PDCD4: variants seen among roughly 807,000 people sequenced by gnomAD.
PDCD4 encodes programmed cell death 4, also known as programmed cell death protein 4.
A neutral mutation model predicts 54.0 loss-of-function variants in PDCD4; 56 were observed. The observed-to-expected ratio is 1.04, with a 90% confidence interval of 0.84 to 1.30. The LOEUF (loss-of-function observed/expected upper bound fraction) is 1.30. PDCD4 is among the 50% of genes most tolerant of loss of function. PDCD4 has a pLI of 0.00. For synonymous variants in PDCD4, 186 were observed against 194.8 expected (o/e 0.95, Z 0.37); for missense variants, 584 against 559.8 (o/e 1.04, Z -0.44).
intron 2 of PDCD4, among the ~76,000 whole-genome samples, chr10:110,877,961 T>C (rs917708773): frequency 6.6e-6 from 1 of 152,216 alleles, no homozygotes; most frequent in Non-Finnish European, 1.5e-5. Context: ...GGTAATGTTA[T>C]TCTAATTATG....
chr10:110,872,103 A>AG (rs1400453281), intron 1 of PDCD4, 85 bp downstream of exon 1: 1 of 152,112 alleles, frequency 6.6e-6, no homozygotes, highest in Non-Finnish European at 1.5e-5. Context: ...GCAAGATGGG[A>AG]GGGGGCGGGG....
chr10:110,893,109 C>T (rs932675995), intron 8 of PDCD4, among the ~76,000 whole-genome samples: 1 of 151,794 alleles, frequency 6.6e-6, no homozygotes, highest in Non-Finnish European at 1.5e-5. Context: ...ATGTTTGCAC[C>T]ATGACAGAGT....
chr10:110,895,044 T>C (rs553071087), intron 10 of PDCD4, among the ~76,000 whole-genome samples: 9 of 152,184 alleles, frequency 5.9e-5, no homozygotes, highest in Non-Finnish European at 1.2e-4. Context: ...ATTTTTTAGC[T>C]ATGTAACCAG....
rs746143494 is a variant in PDCD4, at chr10:110,898,451, A to G, written c.*363A>G. ...TTTTGTAGTAAAATCACTGGTTTAT[A>G]CAAAGCTTTATTTAGGGGGTAAAGT... On this transcript the variant is annotated 3_prime_UTR_variant, in exon 12 of 12. Transcript: ENST00000280154. 27 of 164,486 alleles carry G rather than the reference A, an allele frequency of 1.6e-4. No homozygotes were observed. The highest frequency in any genetic ancestry group is 3.4e-4 in the Non-Finnish European group (26 of 76,050). 10.2% of individuals were successfully genotyped at this position (164,486 alleles called of 1,614,324 possible).
chr10:110,896,343 GA>G (rs1299221256), intron 11 of PDCD4, among the ~76,000 whole-genome samples: 18 of 152,154 alleles, frequency 1.2e-4, no homozygotes, highest in Admixed American at 1.2e-3. Flanking sequence ...TCAGTGTTTA[GA>G]GTAGGTATTA....
intron 2 of PDCD4, among the ~76,000 whole-genome samples, chr10:110,877,394 G>C (rs1845522138): frequency 6.6e-6 from 1 of 152,128 alleles, no homozygotes; most frequent in Non-Finnish European, 1.5e-5. Flanking sequence ...TTGAGTACTT[G>C]AAATGTGGCT....
At chr10:110,879,496 G>A (rs763014038) in intron 2 of PDCD4, among the ~76,000 whole-genome samples, 2 of 151,940 alleles carry the variant, frequency 1.3e-5, no homozygotes, top group African/African-American at 2.4e-5. Context: ...GACCCCATCT[G>A]TACTAAAAAC....
intron 8 of PDCD4, 21 bp from the exon 9 acceptor site, chr10:110,894,070 C>T (rs1845793967): frequency 1.4e-6 from 2 of 1,433,270 alleles, no homozygotes; most frequent in Non-Finnish European, 2.0e-6. Context: ...TCTGACACAT[C>T]TCAACTTTTA....
At chr10:110,888,972 GTTTAACCCCAGCAC>G (rs1845712298) in intron 6 of PDCD4, among the ~76,000 whole-genome samples, 1 of 151,350 alleles carries the variant, frequency 6.6e-6, no homozygotes, top group South Asian at 2.1e-4. Context: ...TAAATCATTC[GTTTAACCCCAGCAC>G]TTTGGGAGGC....
At position 110,885,169 on chromosome 10, in the gene PDCD4, C is replaced by CTTAGAATATAAAATTGT. The variant is rs544633664; in HGVS notation, c.442-83_442-67dup. ...TGTGCTAAGTGGGGATTATTAACCACTTAGAATATAAAATTGTACAACAAT... is the reference window on the plus strand; with the variant it reads ...TGTGCTAAGTGGGGATTATTAACCACTTAGAATATAAAATTGTTTAGAATATAAAATTGTACAACAAT... On this transcript the variant is annotated intron_variant, in intron 4 of 11. Coordinates refer to ENST00000280154, the MANE Select transcript of PDCD4 (RefSeq NM_014456.5). 312 of 676,722 alleles carry CTTAGAATATAAAATTGT rather than the reference C, an allele frequency of 4.6e-4. No homozygotes were observed. In the African/African-American group the frequency reaches 5.2e-3, roughly 11 times the overall value. 41.9% of individuals were successfully genotyped at this position (676,722 alleles called of 1,614,324 possible).
intron 8 of PDCD4, among the ~76,000 whole-genome samples, chr10:110,891,337 G>T (rs1479687330): frequency 6.7e-6 from 1 of 148,866 alleles, no homozygotes; most frequent in Non-Finnish European, 1.5e-5. Context: ...AACCCAGGAG[G>T]AGGAGGTTGC....
chr10:110,898,410 T>G lies in PDCD4; in HGVS notation c.*322T>G, dbSNP rs1409090372. On this transcript the variant is annotated 3_prime_UTR_variant, in exon 12 of 12. Coordinates refer to ENST00000280154, the MANE Select transcript of PDCD4 (RefSeq NM_014456.5). Reference sequence around the variant, plus strand: ...TTGATGTCTGACTGCCACTCCTTTCTTTCAAGGACAGTGTTTTTTGTAGTA... The same window carrying G: ...TTGATGTCTGACTGCCACTCCTTTCGTTCAAGGACAGTGTTTTTTGTAGTA... The G allele has an allele frequency of 5.1e-6, 1 of 196,026 alleles. No individual in the cohort carries two copies. Among genetic ancestry groups the G allele is most frequent in the Non-Finnish European group, 1.0e-5 (1 of 97,046 alleles). The allele number at this position is 196,026 out of a possible 1,614,324, so 12.1% of individuals were successfully genotyped here.
chr10:110,889,554 A>G lies in PDCD4; in HGVS notation c.799A>G (p.Arg267Gly), dbSNP rs779635916. 8 of 1,597,520 alleles carry G rather than the reference A, an allele frequency of 5.0e-6. No individual in the cohort carries two copies. Among genetic ancestry groups the G allele is most frequent in the African/African-American group, 2.7e-5 (2 of 74,126 alleles). ...ACAGTTGGTGGGCCAGTTTATTGCT[A>G]GAGCTGTTGGAGATGGAATTTTATG... ...APQLVGQFIA[R>G]AVGDGILCNT... The change falls in exon 7 of 12, where the codon AGA (arginine) becomes GGA (glycine). Residue 267 changes from arginine to glycine, a missense_variant. Coordinates refer to ENST00000280154, the MANE Select transcript of PDCD4 (RefSeq NM_014456.5).
intron 5 of PDCD4, 67 bp from the exon 6 acceptor site, chr10:110,887,598 T>A: frequency 1.7e-6 from 2 of 1,168,376 alleles, no homozygotes; most frequent in Non-Finnish European, 2.4e-6. Flanking sequence ...TTTTCAAAAA[T>A]AAAATTTTAT....
chr10:110,887,773 C>T lies in PDCD4; in HGVS notation c.664C>T (p.Leu222Phe), dbSNP rs780848195. 6 of 1,613,292 alleles carry T rather than the reference C, an allele frequency of 3.7e-6. No individual in the cohort carries two copies. Among genetic ancestry groups the T allele is most frequent in the Non-Finnish European group, 8.5e-7 (1 of 1,179,288 alleles). The change falls in exon 6 of 12, where the codon CTT (leucine) becomes TTT (phenylalanine). Residue 222 changes from leucine to phenylalanine, a missense_variant. By Grantham distance (22) the Leu-to-Phe change is conservative. Transcript: ENST00000280154. ...TAGTCATAGAGAGATGACATCTAAG[C>T]TTCTTTCTGACCTTTGTGGGACAGT... ...KASHREMTSK[L>F]LSDLCGTVMS... is the part of the protein sequence containing the mutation.
chr10:110,879,903 A>G (rs1845565611), intron 2 of PDCD4, among the ~76,000 whole-genome samples: 1 of 152,228 alleles, frequency 6.6e-6, no homozygotes, highest in South Asian at 2.1e-4. Context: ...TGCTTTTTAT[A>G]GGTTGGTGAA....
chr10:110,894,843 A>G (rs946439658), intron 10 of PDCD4, among the ~76,000 whole-genome samples: 9 of 151,522 alleles, frequency 5.9e-5, no homozygotes, highest in Non-Finnish European at 1.2e-4. Flanking sequence ...TTTAACTTTT[A>G]ACAAATTATA....
Position 110,896,116 on chromosome 10 carries a change from T to C in PDCD4, c.1349+29T>C, listed in dbSNP as rs775935506. On this transcript the variant is annotated intron_variant, in intron 11 of 11. Coordinates refer to ENST00000280154, the MANE Select transcript of PDCD4 (RefSeq NM_014456.5). ...CTTTATTTAAATACTACTTTCTCAA[T>C]GTAAAATAGTGGATGAGATCTTTGG... The C allele has an allele frequency of 1.3e-5, 19 of 1,507,582 alleles. No individual in the cohort carries two copies. The African/African-American group carries it at 2.5e-4, about 20-fold the overall frequency. 93.4% of individuals were successfully genotyped at this position (1,507,582 alleles called of 1,614,324 possible).
rs1304743483 is a variant in PDCD4, at chr10:110,898,964, A to AC, written c.*878dup. ...TATCACTTTACTCCATTGTTATCTG[A>AC]CCTAGAGCTTAATTAAGTTTTAGAA... On this transcript the variant is annotated 3_prime_UTR_variant, in exon 12 of 12. Transcript: ENST00000280154. 1 of 151,694 alleles carries AC rather than the reference A, an allele frequency of 6.6e-6. No homozygotes were observed. The highest frequency in any genetic ancestry group is 2.4e-5 in the African/African-American group (1 of 41,210). The allele number at this position is 151,694 out of a possible 1,614,324, so 9.4% of individuals were successfully genotyped here. A position where few individuals can be genotyped will look rare whatever the true frequency, so the allele number is the denominator to read the frequency against.
Sources: allele counts gnomAD v4.1 joint callset (sites outside exome capture counted in the v4.1 genomes callset), GRCh38; gene constraint gnomAD v4.1.1; transcripts MANE v1.5; gene names NCBI Gene and HGNC (gene_info 2026-07-23, HGNC 2026-07-21).